KIRREL1: variants seen among roughly 807,000 people sequenced by gnomAD.
KIRREL1 encodes the protein kin of IRRE-like protein 1.
In KIRREL1, 25 loss-of-function variants were observed where a neutral mutation model predicts 83.3. The ratio of observed to expected loss-of-function variants is 0.30; its 90% CI spans 0.22 to 0.42. The LOEUF (loss-of-function observed/expected upper bound fraction) is 0.42, where lower values mean the gene tolerates loss of function less well. Among genes scored for constraint, KIRREL1 ranks in the 10% least tolerant of loss-of-function variants. The pLI is 1.00. For synonymous variants in KIRREL1, 388 were observed against 410.4 expected, an observed-to-expected ratio of 0.95 and a Z score of 0.66; for missense variants, 812 against 1,032.3, an observed-to-expected ratio of 0.79 and a Z score of 2.92.
intron 1 of KIRREL1, among the ~76,000 whole-genome samples, chr1:158,007,846 A>G (rs1659563047): frequency 2.0e-5 from 3 of 151,924 alleles, no homozygotes; most frequent in African/African-American, 7.3e-5. Context: ...CCCGAGCCGG[A>G]TGCTCCCCGC....
At chr1:158,020,740 G>A (rs886679848) in intron 1 of KIRREL1, among the ~76,000 whole-genome samples, 1 of 151,624 alleles carries the variant, frequency 6.6e-6, no homozygotes, top group African/African-American at 2.4e-5. Flanking sequence ...GTACTATCAC[G>A]TAATATGTGC....
rs377246685 is a variant in KIRREL1 at position 158,089,088 on chromosome 1, G to A, written c.1045-414G>A. 3.3e-5 allele frequency among the ~76,000 whole-genome samples: 5 copies of A among 152,194 alleles called. No homozygotes were observed. In the East Asian group the frequency reaches 7.7e-4, roughly 24 times the overall value. ...CACAGGGAGGTGGGGAAGCTGAGGCGATTCACTAAAGAAGGCTGGAGTCTA... is the reference window on the plus strand; with the variant it reads ...CACAGGGAGGTGGGGAAGCTGAGGCAATTCACTAAAGAAGGCTGGAGTCTA... On this transcript the variant is annotated intron_variant, in intron 8 of 14. Transcript: ENST00000359209.
At chr1:158,054,421 A>G (rs1435649778) in intron 1 of KIRREL1, among the ~76,000 whole-genome samples, 1 of 152,012 alleles carries the variant, frequency 6.6e-6, no homozygotes, top group African/African-American at 2.4e-5. Flanking sequence ...TTAATTTTTT[A>G]TTATCCCAAA....
intron 1 of KIRREL1, among the ~76,000 whole-genome samples, chr1:158,066,123 G>C (rs1216529577): frequency 6.6e-6 from 1 of 151,854 alleles, no homozygotes; most frequent in East Asian, 1.9e-4. Context: ...TGCCTCTAGA[G>C]AGGGGCCCTC....
intron 1 of KIRREL1, among the ~76,000 whole-genome samples, chr1:157,996,662 T>C (rs1659213062): frequency 6.6e-6 from 1 of 152,174 alleles, no homozygotes; most frequent in Admixed American, 6.5e-5. Flanking sequence ...ACTCTCCCCT[T>C]TCGGTGCTAC....
At chr1:158,076,341 C>T (rs1661681709) in intron 2 of KIRREL1, 79 bp downstream of exon 2, 3 of 1,351,090 alleles carry the variant, frequency 2.2e-6, no homozygotes, top group Non-Finnish European at 3.1e-6. Flanking sequence ...TTCCTGGACT[C>T]ACCATCCCTT....
At chr1:158,060,797 G>T (rs1661195826) in intron 1 of KIRREL1, among the ~76,000 whole-genome samples, 1 of 152,192 alleles carries the variant, frequency 6.6e-6, no homozygotes, top group African/African-American at 2.4e-5. Flanking sequence ...AAGCAGGGAA[G>T]TGTCCTTCCG....
chr1:158,028,095 G>A (rs995509324), intron 1 of KIRREL1, among the ~76,000 whole-genome samples: 1 of 152,124 alleles, frequency 6.6e-6, no homozygotes, highest in Non-Finnish European at 1.5e-5. Context: ...CTGAGGTAGG[G>A]TCTGCTCATT....
chr1:158,079,242 G>C (rs1021914417), intron 3 of KIRREL1, among the ~76,000 whole-genome samples: 1 of 152,202 alleles, frequency 6.6e-6, no homozygotes, highest in Non-Finnish European at 1.5e-5. Context: ...CCCCAAGATG[G>C]ATGGGAGAAA....
intron 1 of KIRREL1, among the ~76,000 whole-genome samples, chr1:158,061,851 C>T (rs917019771): frequency 2.7e-4 from 41 of 152,150 alleles, no homozygotes; most frequent in African/African-American, 9.2e-4. Flanking sequence ...GCCTGGAGGA[C>T]GGGGATTTGA....
At chr1:158,087,982 C>T (rs1381950972) in intron 6 of KIRREL1, 24 bp from the exon 7 acceptor site, 4 of 1,613,732 alleles carry the variant, frequency 2.5e-6, no homozygotes, top group East Asian at 2.2e-5. Flanking sequence ...CCTGATCCCA[C>T]CTCTGTGTTG....
At chr1:158,064,791 G>C (rs182861241) in intron 1 of KIRREL1, among the ~76,000 whole-genome samples, 34 of 152,200 alleles carry the variant, frequency 2.2e-4, no homozygotes, top group Admixed American at 1.8e-3. Context: ...TGGAGAGCCA[G>C]GGAGGGTTGA....
intron 3 of KIRREL1, among the ~76,000 whole-genome samples, chr1:158,078,632 C>T (rs192538652): frequency 1.6e-4 from 24 of 152,266 alleles, no homozygotes; most frequent in Admixed American, 8.5e-4. Context: ...GCCTCCTTTC[C>T]TCCCTCAGTG....
intron 1 of KIRREL1, among the ~76,000 whole-genome samples, chr1:158,013,951 C>A (rs1030570081): frequency 1.3e-5 from 2 of 152,202 alleles, no homozygotes; most frequent in African/African-American, 4.8e-5. Flanking sequence ...GATCCCCCAC[C>A]TTCCCTAGAG....
chr1:158,084,511 G>T lies in KIRREL1; in HGVS notation c.442G>T (p.Ala148Ser). 6.4e-7 allele frequency: 1 copy of T among 1,551,788 alleles called. No homozygotes were observed. The highest frequency in any genetic ancestry group is 1.2e-5 in the South Asian group (1 of 84,062). ...CAACCTCACATGCCGGGCCTTCAATGCGAAGCCTGCTGCCACCATCATCTG... is the reference window on the plus strand; with the variant it reads ...CAACCTCACATGCCGGGCCTTCAATTCGAAGCCTGCTGCCACCATCATCTG... ...PHNLTCRAFN[A>S]KPAATIIWFR... The change falls in exon 4 of 15, where the codon GCG (alanine) becomes TCG (serine). Residue 148 changes from alanine to serine, a missense_variant. By Grantham distance (99) the Ala-to-Ser change is moderately conservative. Around this residue, in one of 3 missense-constraint regions of KIRREL1, gnomAD observed 472 missense variants for 626.8 expected, o/e 0.75. Transcript: ENST00000359209.
chr1:158,090,500 C>T (rs1045071995), intron 10 of KIRREL1, among the ~76,000 whole-genome samples: 3 of 152,316 alleles, frequency 2.0e-5, no homozygotes, highest in Non-Finnish European at 4.4e-5. Flanking sequence ...TTCATTACCA[C>T]GGCCGCCCGG....
intron 1 of KIRREL1, among the ~76,000 whole-genome samples, chr1:157,997,266 C>T (rs1659232504): frequency 6.6e-6 from 1 of 152,140 alleles, no homozygotes; most frequent in Non-Finnish European, 1.5e-5. Context: ...CATGCTCTTC[C>T]AGAAGTGAGG....
At chr1:158,091,884 T>C (rs928048043) in intron 11 of KIRREL1, among the ~76,000 whole-genome samples, 4 of 152,232 alleles carry the variant, frequency 2.6e-5, no homozygotes, top group African/African-American at 9.7e-5. Context: ...TGCCAGGCTC[T>C]GCCCCAGGGG....
At chr1:158,050,093 A>T (rs1360909212) in intron 1 of KIRREL1, among the ~76,000 whole-genome samples, 1 of 152,020 alleles carries the variant, frequency 6.6e-6, no homozygotes, top group Non-Finnish European at 1.5e-5. Flanking sequence ...TGGAGGAGAG[A>T]GGTGTGTGTG....
Sources: gnomAD v4.1 joint callset for allele counts (sites outside exome capture counted in the v4.1 genomes callset) on GRCh38, gnomAD v4.1.1 for gene constraint, gnomAD v4.1.1 regional missense constraint, MANE v1.5 for transcripts, NCBI Gene and HGNC (gene_info 2026-07-23, HGNC 2026-07-21) for gene names.